The following PEX5L variants were observed in gnomAD, a reference collection of about 807,000 sequenced individuals.
PEX5L encodes the protein peroxisomal biogenesis factor 5 like.
Under a neutral mutation model 84.0 loss-of-function variants are expected in PEX5L, and 30 were observed. The observed-to-expected ratio is 0.36, with a 90% confidence interval of 0.27 to 0.48. The LOEUF (loss-of-function observed/expected upper bound fraction) is 0.48, where lower values mean the gene tolerates loss of function less well. Ranked by LOEUF, PEX5L falls within the 20% of genes least tolerant of loss-of-function variation. The pLI is 0.99. For missense variants in PEX5L, 533 were observed against 754.6 expected (o/e 0.71, Z 3.44); for synonymous variants, 270 against 283.1 (o/e 0.95, Z 0.46).
chr3:179,817,885 G>A (rs891522633), intron 9 of PEX5L, among the ~76,000 whole-genome samples: 4 of 152,152 alleles, frequency 2.6e-5, no homozygotes, highest in South Asian at 4.1e-4. Context: ...GGCAGACCTC[G>A]GGGGCACGAG....
chr3:179,977,494 C>T (rs1033041336), intron 1 of PEX5L, among the ~76,000 whole-genome samples: 6 of 152,124 alleles, frequency 3.9e-5, no homozygotes, highest in Admixed American at 2.0e-4. Context: ...GTTCCATGTC[C>T]TTTCTTCTTA....
intron 1 of PEX5L, among the ~76,000 whole-genome samples, chr3:180,010,731 C>G (rs1789393889): frequency 6.6e-6 from 1 of 151,946 alleles, no homozygotes; most frequent in South Asian, 2.1e-4. Context: ...CTATAGAAAA[C>G]TGACATTTCA....
chr3:179,919,922 C>T (rs1244112817), intron 2 of PEX5L, among the ~76,000 whole-genome samples: 3 of 152,016 alleles, frequency 2.0e-5, no homozygotes, highest in African/African-American at 2.4e-5. Context: ...AAGCTGGTCT[C>T]GAACTCCTGA....
chr3:179,935,094 G>A (rs1774218088), intron 2 of PEX5L, among the ~76,000 whole-genome samples: 1 of 149,428 alleles, frequency 6.7e-6, no homozygotes, highest in African/African-American at 2.5e-5. Flanking sequence ...CAGTGTAGTG[G>A]CAAAGGGGCA....
intron 8 of PEX5L, among the ~76,000 whole-genome samples, chr3:179,840,208 G>A (rs965737358): frequency 1.2e-5 from 1 of 86,912 alleles, no homozygotes; most frequent in Admixed American, 1.4e-4. Context: ...TTTTTTTTGA[G>A]ATGGAGTTAC....
chr3:179,968,672 G>A lies in PEX5L; in HGVS notation c.93+2922C>T, dbSNP rs1027027907. Among the ~76,000 whole-genome samples the A allele has an allele frequency of 4.6e-5, 7 of 150,760 alleles. 1 individual carries two copies. Among genetic ancestry groups the A allele is most frequent in the African/African-American group, 1.5e-4 (6 of 41,182 alleles). Reference sequence around the variant, plus strand: ...GTGGAAAATATGGACTCTGACCCCAGTGTGATACATTTCTATTTAAATGAC... The same window carrying A: ...GTGGAAAATATGGACTCTGACCCCAATGTGATACATTTCTATTTAAATGAC... On this transcript the variant is annotated intron_variant, in intron 2 of 14. Coordinates refer to ENST00000467460, the MANE Select transcript of PEX5L (RefSeq NM_016559.3).
chr3:179,862,008 T>A (rs1746352374), intron 7 of PEX5L, among the ~76,000 whole-genome samples: 1 of 152,150 alleles, frequency 6.6e-6, no homozygotes, highest in African/African-American at 2.4e-5. Flanking sequence ...AGGACAGAAA[T>A]TTATTCTCTC....
intron 2 of PEX5L, among the ~76,000 whole-genome samples, chr3:179,957,522 C>T (rs1265700903): frequency 6.6e-6 from 1 of 152,178 alleles, no homozygotes; most frequent in Non-Finnish European, 1.5e-5. Flanking sequence ...GTGCCAACAA[C>T]TTGGGATAAA....
chr3:179,918,435 C>T (rs1023849933), intron 2 of PEX5L, among the ~76,000 whole-genome samples: 5 of 152,206 alleles, frequency 3.3e-5, no homozygotes, highest in Admixed American at 6.5e-5. Context: ...CTAGAAGGCA[C>T]TGTGATAGCT....
chr3:180,012,615 A>G (rs1789587282), intron 1 of PEX5L, among the ~76,000 whole-genome samples: 1 of 152,134 alleles, frequency 6.6e-6, no homozygotes, highest in African/African-American at 2.4e-5. Flanking sequence ...GTTAAACTTA[A>G]TAAGGCAAGT....
intron 1 of PEX5L, among the ~76,000 whole-genome samples, chr3:180,002,263 T>C (rs746358840): frequency 2.0e-5 from 3 of 152,146 alleles, no homozygotes; most frequent in Non-Finnish European, 2.9e-5. Flanking sequence ...AGGGATGAGA[T>C]TGCTGATTAG....
At chr3:179,871,248 A>T (rs1577868828) in intron 7 of PEX5L, among the ~76,000 whole-genome samples, 1 of 152,026 alleles carries the variant, frequency 6.6e-6, no homozygotes, top group African/African-American at 2.4e-5. Context: ...GACTACAGGC[A>T]TGCACCACCA....
Position 180,017,815 on chromosome 3 carries a change from T to C in PEX5L, c.21+18764A>G, listed in dbSNP as rs143823976. On this transcript the variant is annotated intron_variant, in intron 1 of 14. Coordinates refer to ENST00000467460, the MANE Select transcript of PEX5L (RefSeq NM_016559.3). ...GATAATGAATGAATGAATAAGTATT[T>C]ACTTCTATAAACATGACTTGGATAA... Among the ~76,000 whole-genome samples the C allele has an allele frequency of 6.2e-3, 941 of 152,290 alleles. 4 individuals are homozygous for C. Among genetic ancestry groups the C allele is most frequent in the Non-Finnish European group, 0.011 (720 of 68,002 alleles).
intron 8 of PEX5L, among the ~76,000 whole-genome samples, chr3:179,833,117 A>C (rs564129963): frequency 8.5e-5 from 13 of 152,342 alleles, no homozygotes; most frequent in African/African-American, 2.9e-4. Flanking sequence ...AGTAGGGCCA[A>C]AGAGAGATAA....
intron 14 of PEX5L, among the ~76,000 whole-genome samples, chr3:179,805,557 T>A (rs527314961): frequency 1.3e-5 from 2 of 152,326 alleles, no homozygotes; most frequent in East Asian, 3.9e-4. Context: ...TTGTGTTTTT[T>A]AAGAAATGTA....
intron 2 of PEX5L, among the ~76,000 whole-genome samples, chr3:179,906,177 T>C (rs1763141387): frequency 6.6e-6 from 1 of 152,226 alleles, no homozygotes; most frequent in African/African-American, 2.4e-5. Context: ...AATTTACCAT[T>C]TGTTTGTTCT....
At chr3:179,871,661 G>T (rs1750440630) in intron 7 of PEX5L, among the ~76,000 whole-genome samples, 1 of 152,152 alleles carries the variant, frequency 6.6e-6, no homozygotes, top group African/African-American at 2.4e-5. Flanking sequence ...GGGGGCAATT[G>T]TTCAAATCGT....
intron 2 of PEX5L, among the ~76,000 whole-genome samples, chr3:179,958,805 A>G (rs776312097): frequency 6.6e-6 from 1 of 152,206 alleles, no homozygotes; most frequent in Non-Finnish European, 1.5e-5. Flanking sequence ...TAATGTCTTT[A>G]TCAAAGTATA....
chr3:179,902,418 G>A (rs561934604), intron 2 of PEX5L, among the ~76,000 whole-genome samples: 1 of 152,266 alleles, frequency 6.6e-6, no homozygotes, highest in East Asian at 1.9e-4. Flanking sequence ...TAATCACATA[G>A]GCAAACATTT....
Sources: allele counts gnomAD v4.1 joint callset (sites outside exome capture counted in the v4.1 genomes callset), GRCh38; gene constraint gnomAD v4.1.1; transcripts MANE v1.5; gene names NCBI Gene and HGNC (gene_info 2026-07-23, HGNC 2026-07-21).